GDA: variants seen among roughly 807,000 people sequenced by gnomAD.
GDA encodes guanine deaminase.
GDA carries 18 observed loss-of-function variants against 59.6 expected under a neutral mutation model. The observed-to-expected ratio is 0.30, with a 90% CI of 0.21 to 0.45. The LOEUF (loss-of-function observed/expected upper bound fraction) is 0.45, where lower values mean the gene tolerates loss of function less well. Among genes scored for constraint, GDA ranks in the 20% least tolerant of loss-of-function variants. GDA has a pLI of 1.00. For missense variants in GDA, 427 were observed against 552.3 expected, an observed-to-expected ratio of 0.77 and a Z score of 2.27; for synonymous variants, 201 against 201.1, an observed-to-expected ratio of 1.00 and a Z score of 0.00.
intron 1 of GDA, among the ~76,000 whole-genome samples, chr9:72,117,201 A>G (rs1336969739): frequency 6.6e-6 from 1 of 152,182 alleles, no homozygotes; most frequent in Admixed American, 6.5e-5. Context: ...TTTTATGAGT[A>G]TATGACTTGT....
At chr9:72,257,450 A>G (rs530251299), downstream of GDA, 3 of 152,142 alleles carry the variant, frequency 2.0e-5, no homozygotes, top group East Asian at 5.8e-4. Context: ...TGAAATGACC[A>G]TTTTCTTTTT....
At chr9:72,245,016 G>A in intron 11 of GDA, 132 bp from the exon 12 acceptor site, 1 of 756,488 alleles carries the variant, frequency 1.3e-6, no homozygotes, top group Non-Finnish European at 2.2e-6. Flanking sequence ...GTGATTTTCT[G>A]TCTCACTGTT....
intron 1 of GDA, among the ~76,000 whole-genome samples, chr9:72,167,952 G>C (rs1000545021): frequency 3.9e-5 from 6 of 152,176 alleles, no homozygotes; most frequent in African/African-American, 1.4e-4. Flanking sequence ...TACTAGTGTT[G>C]CTGCTGCCAT....
At chr9:72,214,076 G>T in intron 5 of GDA, 85 bp downstream of exon 5, 1 of 786,330 alleles carries the variant, frequency 1.3e-6, no homozygotes, top group Non-Finnish European at 2.2e-6. Context: ...AAGGAAACAG[G>T]ATACTGTTAT....
intron 1 of GDA, among the ~76,000 whole-genome samples, chr9:72,132,665 C>CT (rs1240127005): frequency 9.2e-5 from 14 of 152,160 alleles, no homozygotes; most frequent in Non-Finnish European, 1.6e-4. Context: ...CCATAAAGCA[C>CT]TGCTATGGTT....
intron 10 of GDA, among the ~76,000 whole-genome samples, chr9:72,231,393 C>T (rs1360841984): frequency 1.3e-5 from 2 of 151,708 alleles, no homozygotes; most frequent in Non-Finnish European, 1.5e-5. Context: ...TGGGAAACCT[C>T]GTCTCTACTA....
intron 1 of GDA, among the ~76,000 whole-genome samples, chr9:72,154,383 C>T (rs1303448357): frequency 1.3e-5 from 2 of 152,128 alleles, no homozygotes; most frequent in Non-Finnish European, 2.9e-5. Flanking sequence ...TAACATGTAC[C>T]ATGTTCATTC....
upstream of GDA, among the ~76,000 whole-genome samples, chr9:72,148,394 TAAA>T (rs1826788164): frequency 6.6e-6 from 1 of 150,508 alleles, no homozygotes; most frequent in Non-Finnish European, 1.5e-5. Flanking sequence ...AAACACAAAA[TAAA>T]GAAGAATGGA....
At chr9:72,176,808 AT>A (rs1830587364) in intron 1 of GDA, among the ~76,000 whole-genome samples, 1 of 152,094 alleles carries the variant, frequency 6.6e-6, no homozygotes, top group Non-Finnish European at 1.5e-5. Context: ...TCTTCTCCAG[AT>A]GAAATTTTGT....
chr9:72,177,545 ATT>A (rs1414120494), intron 1 of GDA, among the ~76,000 whole-genome samples: 1 of 152,182 alleles, frequency 6.6e-6, no homozygotes, highest in Non-Finnish European at 1.5e-5. Flanking sequence ...GATATAGAGA[ATT>A]TAAAATACAG....
chr9:72,147,119 ATTGT>A, upstream of GDA, among the ~76,000 whole-genome samples: 1 of 152,282 alleles, frequency 6.6e-6, no homozygotes, highest in Non-Finnish European at 1.5e-5. Context: ...AACAACACAC[ATTGT>A]TTGATGTACC....
chr9:72,224,226 G>GA, intron 7 of GDA, among the ~76,000 whole-genome samples: 1 of 152,236 alleles, frequency 6.6e-6, no homozygotes, highest in Non-Finnish European at 1.5e-5. Context: ...CCTTGCTAGA[G>GA]AGATGCATGT....
chr9:72,135,822 G>C (rs1305777175), intron 1 of GDA, among the ~76,000 whole-genome samples: 1 of 151,864 alleles, frequency 6.6e-6, no homozygotes, highest in African/African-American at 2.4e-5. Flanking sequence ...TGTTGGCCGG[G>C]CTGCTCTTGA....
chr9:72,198,846 G>GATATATATATATATATATATATAT (rs141544036), intron 2 of GDA, among the ~76,000 whole-genome samples: 1,421 of 128,324 alleles, frequency 0.011, 22 homozygotes, highest in Non-Finnish European at 0.014. Context: ...TATATAGGGG[G>GATATATATATATATATATATATAT]ATATATATAT....
rs776253081 is a variant in GDA at position 72,149,568 on chromosome 9, C to G, written c.9C>G (p.Ala3=). The change falls in exon 1 of 14, where the codon GCC becomes GCG. Residue 3 remains alanine, a synonymous_variant. Coordinates refer to ENST00000358399, the MANE Select transcript of GDA (RefSeq NM_004293.5). The stretch of plus-strand genomic sequence containing the variant: ...TGCGCTCCGCCGCTGACATGTGTGC[C>G]GCTCAGATGCCGCCCCTGGCGCACA... MC[A]AQMPPLAHIF... 6.2e-6 allele frequency: 10 copies of G among 1,611,274 alleles called. No homozygotes were observed. Among genetic ancestry groups the G allele is most frequent in the South Asian group, 1.1e-5 (1 of 91,008 alleles).
At chr9:72,217,735 T>C (rs1039357618) in intron 5 of GDA, among the ~76,000 whole-genome samples, 2 of 152,198 alleles carry the variant, frequency 1.3e-5, no homozygotes, top group African/African-American at 2.4e-5. Context: ...AAATTACTTT[T>C]GGTTGTGGGT....
intron 12 of GDA, among the ~76,000 whole-genome samples, chr9:72,247,032 A>AAACAG (rs1326384514): frequency 6.6e-6 from 1 of 152,172 alleles, no homozygotes; most frequent in Admixed American, 6.5e-5. Context: ...AAACATAACA[A>AAACAG]AACAGAACAA....
chr9:72,145,562 A>G (rs1001143449), upstream of GDA, among the ~76,000 whole-genome samples: 6 of 152,248 alleles, frequency 3.9e-5, no homozygotes, highest in East Asian at 1.2e-3. Context: ...ACTAAGCTAC[A>G]GGTATAATTA....
chr9:72,159,699 AC>A (rs2130824655), intron 1 of GDA, among the ~76,000 whole-genome samples: 1 of 152,324 alleles, frequency 6.6e-6, no homozygotes, highest in East Asian at 1.9e-4. Flanking sequence ...ACACTCATCA[AC>A]AAAACACAGT....
Sources: allele counts gnomAD v4.1 joint callset (sites outside exome capture counted in the v4.1 genomes callset), GRCh38; gene constraint gnomAD v4.1.1; transcripts MANE v1.5; gene names NCBI Gene and HGNC (gene_info 2026-07-23, HGNC 2026-07-21).